The following PRDM16 variants were observed in gnomAD, a reference collection of about 807,000 sequenced individuals.
The protein encoded by PRDM16 is PR/SET domain 16, also known as histone-lysine N-methyltransferase PRDM16.
Under a neutral mutation model 110.6 loss-of-function variants are expected in PRDM16, and 23 were observed. The ratio of observed to expected loss-of-function variants is 0.21; its 90% confidence interval spans 0.15 to 0.29. PRDM16 has a LOEUF of 0.29. Ranked by LOEUF, PRDM16 falls within the 10% of genes least tolerant of loss-of-function variation. PRDM16 has a pLI of 1.00. For missense variants in PRDM16, 1,615 were observed against 1,794.3 expected (o/e 0.90, Z 1.81); for synonymous variants, 799 against 781.8 (o/e 1.02, Z -0.37).
At chr1:3,195,023 A>C (rs1434281365) in intron 2 of PRDM16, among the ~76,000 whole-genome samples, 1 of 152,184 alleles carries the variant, frequency 6.6e-6, no homozygotes, top group Non-Finnish European at 1.5e-5. Flanking sequence ...TCACGTCTAA[A>C]ACCGTGAGCG....
In PRDM16 at chr1:3,069,285, A is replaced by G; in HGVS notation, c.26A>G (p.Lys9Arg). 6.5e-7 allele frequency: 1 copy of G among 1,539,720 alleles called. No homozygotes were observed. The highest frequency in any genetic ancestry group is 1.2e-5 in the South Asian group (1 of 85,282). The change falls in exon 1 of 17, where the codon AAG (lysine) becomes AGG (arginine). Residue 9 changes from lysine to arginine, a missense_variant. Lys to Arg is a conservative substitution (Grantham distance 26). Around this residue, in one of 5 missense-constraint regions of PRDM16, gnomAD observed 416 missense variants for 467.1 expected, o/e 0.89. Coordinates refer to ENST00000270722, the MANE Select transcript of PRDM16 (RefSeq NM_022114.4). The surrounding 1 kb of genome is among the most constrained non-coding windows in gnomAD (Gnocchi z 6.1). MRSKARAR[K>R]LAKSDGDVVN... Reference sequence around the variant, plus strand: ...ATGCGATCCAAGGCGAGGGCGAGGAAGCTAGCCAAAAGTAAGTCTCCCGCG... The same window carrying G: ...ATGCGATCCAAGGCGAGGGCGAGGAGGCTAGCCAAAAGTAAGTCTCCCGCG...
chr1:3,174,048 G>C (rs1644058771), intron 1 of PRDM16, among the ~76,000 whole-genome samples: 1 of 152,198 alleles, frequency 6.6e-6, no homozygotes, highest in Non-Finnish European at 1.5e-5. Context: ...ACAACCGAAG[G>C]GTGTGCTCCT....
At chr1:3,164,210 C>A (rs182736664) in intron 1 of PRDM16, among the ~76,000 whole-genome samples, 61 of 152,236 alleles carry the variant, frequency 4.0e-4, no homozygotes, top group African/African-American at 1.4e-3. Flanking sequence ...GAGATCATTC[C>A]GTGTTCGTGG....
chr1:3,287,778 A>T (rs1240047716), intron 3 of PRDM16, among the ~76,000 whole-genome samples: 1 of 133,276 alleles, frequency 7.5e-6, no homozygotes, highest in African/African-American at 3.1e-5. Context: ...GATTGCATTT[A>T]CCGGGGCTGG....
chr1:3,319,467 C>T (rs1045704885), intron 3 of PRDM16, among the ~76,000 whole-genome samples: 1 of 152,152 alleles, frequency 6.6e-6, no homozygotes, highest in Non-Finnish European at 1.5e-5. Context: ...TGCCTTGCCT[C>T]CTGGTCCGGT....
chr1:3,183,327 C>G (rs542535276), intron 1 of PRDM16, among the ~76,000 whole-genome samples: 1 of 152,382 alleles, frequency 6.6e-6, no homozygotes, highest in East Asian at 1.9e-4. Context: ...TCTCCCGGCT[C>G]CGGTTGTTCC....
At chr1:3,415,352 G>T (rs1336762059) in intron 10 of PRDM16, among the ~76,000 whole-genome samples, 2 of 152,266 alleles carry the variant, frequency 1.3e-5, no homozygotes, top group Non-Finnish European at 1.5e-5. Flanking sequence ...GCACCTGGAG[G>T]GTCCTGAGGG....
At chr1:3,161,398 G>C (rs574010670) in intron 1 of PRDM16, among the ~76,000 whole-genome samples, 2 of 152,186 alleles carry the variant, frequency 1.3e-5, no homozygotes, top group African/African-American at 4.8e-5. Context: ...GTCAAAGGAC[G>C]GCATTTCCTC....
rs1324930097 is a variant in PRDM16 at position 3,404,401 on chromosome 1, A to G, written c.885-338A>G. On this transcript the variant is annotated intron_variant, in intron 6 of 16. Transcript: ENST00000270722. ...GTTGAACCCCTTTTTTCTTAGGCCC[A>G]AGCCTAGCTGCAAGGCCAGGACCAG... Among the ~76,000 whole-genome samples the G allele has an allele frequency of 2.0e-5, 3 of 152,192 alleles. No individual in the cohort carries two copies. In the East Asian group the frequency reaches 5.8e-4, roughly 29 times the overall value.
intron 3 of PRDM16, among the ~76,000 whole-genome samples, chr1:3,259,159 C>T (rs925749306): frequency 3.9e-5 from 6 of 152,216 alleles, no homozygotes; most frequent in Non-Finnish European, 8.8e-5. Flanking sequence ...GGCCCTTCTG[C>T]CCACACACAG....
At position 3,390,516 on chromosome 1, in the gene PRDM16, C is replaced by T. The variant is rs1054415563; in HGVS notation, c.573+5230C>T. Among the ~76,000 whole-genome samples, 20 of 152,212 alleles carry T rather than the reference C, an allele frequency of 1.3e-4. No individual in the cohort carries two copies. Among genetic ancestry groups the T allele is most frequent in the African/African-American group, 4.3e-4 (18 of 41,452 alleles). On this transcript the variant is annotated intron_variant, in intron 4 of 16. Coordinates refer to ENST00000270722, the MANE Select transcript of PRDM16 (RefSeq NM_022114.4). This position sits in a 1 kb window ranked among gnomAD's most constrained non-coding sequence, Gnocchi z 5.0. ...GCAGAGCAGGGGTCCCGGCGCCCGC[C>T]GTGGAGCAGCACAGCCCCTCCACAG... is the stretch of plus-strand genomic sequence containing the variant.
At chr1:3,336,925 G>C (rs924421579) in intron 3 of PRDM16, among the ~76,000 whole-genome samples, 2 of 140,842 alleles carry the variant, frequency 1.4e-5, no homozygotes, top group African/African-American at 5.4e-5. Flanking sequence ...GTGAATGCTT[G>C]TATGCACATG....
intron 1 of PRDM16, among the ~76,000 whole-genome samples, chr1:3,092,973 C>T (rs1285941472): frequency 1.3e-5 from 2 of 152,188 alleles, no homozygotes; most frequent in African/African-American, 4.8e-5. Flanking sequence ...CCAGTGCTTC[C>T]TGCTGCAGGG....
At chr1:3,394,717 G>A (rs1047617914) in intron 4 of PRDM16, among the ~76,000 whole-genome samples, 11 of 152,218 alleles carry the variant, frequency 7.2e-5, no homozygotes, top group African/African-American at 2.7e-4. Flanking sequence ...TGCCACTCAC[G>A]GCACCGCTCA....
chr1:3,406,853 C>T (rs746552628), intron 8 of PRDM16, among the ~76,000 whole-genome samples: 7 of 152,238 alleles, frequency 4.6e-5, no homozygotes, highest in Non-Finnish European at 8.8e-5. Flanking sequence ...TCAGAGGCCC[C>T]TGAAGGGTCC....
At chr1:3,183,352 G>A (rs1034473826) in intron 1 of PRDM16, among the ~76,000 whole-genome samples, 3 of 152,248 alleles carry the variant, frequency 2.0e-5, no homozygotes, top group African/African-American at 7.2e-5. Context: ...ACCCCAGAGA[G>A]CGAGTGATCT....
intron 1 of PRDM16, among the ~76,000 whole-genome samples, chr1:3,178,460 T>C (rs540705510): frequency 1.8e-4 from 27 of 152,304 alleles, no homozygotes; most frequent in Admixed American, 1.8e-3. Context: ...GGAAAAGTGC[T>C]TTGCAGCCCA....
At chr1:3,311,136 A>C (rs1028552854) in intron 3 of PRDM16, among the ~76,000 whole-genome samples, 1 of 152,114 alleles carries the variant, frequency 6.6e-6, no homozygotes, top group Non-Finnish European at 1.5e-5. Context: ...GGAAGGGTTA[A>C]CCCGCCGAGG....
At chr1:3,344,219 T>C (rs1356820035) in intron 3 of PRDM16, among the ~76,000 whole-genome samples, 1 of 152,104 alleles carries the variant, frequency 6.6e-6, no homozygotes, top group Non-Finnish European at 1.5e-5. Flanking sequence ...ACCGTCATAG[T>C]CCTAGCTACT....
Sources: gnomAD v4.1 joint callset for allele counts (sites outside exome capture counted in the v4.1 genomes callset) on GRCh38, gnomAD v4.1.1 for gene constraint, gnomAD v4.1.1 regional missense constraint, Gnocchi (gnomAD v3.1) non-coding constraint, MANE v1.5 for transcripts, NCBI Gene and HGNC (gene_info 2026-07-23, HGNC 2026-07-21) for gene names.